The following LILRA2 variants were observed in gnomAD, a reference collection of about 807,000 sequenced individuals.
LILRA2 encodes the protein leukocyte immunoglobulin-like receptor subfamily A member 2.
LILRA2 carries 45 observed loss-of-function variants against 47.9 expected under a neutral mutation model. The ratio of observed to expected loss-of-function variants is 0.94; its 90% CI spans 0.74 to 1.20. The LOEUF is 1.20. Among genes scored for constraint, LILRA2 ranks in the 50% most tolerant of loss-of-function variants. The probability of loss-of-function intolerance (pLI) is 0.00; values close to 1 mark genes in which losing one functional copy is unlikely to be tolerated. For synonymous variants in LILRA2, 279 were observed against 249.2 expected (o/e 1.12, Z -1.13); for missense variants, 651 against 598.2 (o/e 1.09, Z -0.92).
upstream of LILRA2, chr19:54,573,494 G>A: frequency 9.4e-7 from 1 of 1,061,512 alleles, no homozygotes. Context: ...GAGACCCCAT[G>A]GGGAAGCTCT....
chr19:54,583,723 C>G (rs1170590650), intron 6 of LILRA2, among the ~76,000 whole-genome samples: 1 of 152,076 alleles, frequency 6.6e-6, no homozygotes, highest in East Asian at 1.9e-4. Flanking sequence ...GATTCTTTAT[C>G]CAATTTGCTG....
intron 6 of LILRA2, among the ~76,000 whole-genome samples, chr19:54,580,041 T>A (rs1224439141): frequency 3.3e-5 from 5 of 152,172 alleles, no homozygotes; most frequent in Non-Finnish European, 7.3e-5. Context: ...TATATAATCA[T>A]GTCATCTGCA....
intron 6 of LILRA2, among the ~76,000 whole-genome samples, chr19:54,579,282 C>T (rs55757854): frequency 0.052 from 7,974 of 152,060 alleles, 237 homozygotes; most frequent in South Asian, 0.092. Context: ...ACTTAATTAT[C>T]GTATAGGGTG....
At chr19:54,587,146 C>A in intron 7 of LILRA2, 55 bp from the exon 8 acceptor site, 1 of 1,611,644 alleles carries the variant, frequency 6.2e-7, no homozygotes, top group Admixed American at 1.7e-5. Flanking sequence ...GGTGGACATA[C>A]AGGAGTCCCG....
chr19:54,585,907 CCT>C (rs2062788433), intron 6 of LILRA2, among the ~76,000 whole-genome samples: 1 of 152,116 alleles, frequency 6.6e-6, no homozygotes, highest in Admixed American at 6.5e-5. Flanking sequence ...GGAAGCGACA[CCT>C]ATATTTTTTT....
intron 6 of LILRA2, among the ~76,000 whole-genome samples, chr19:54,576,766 TCA>T (rs1389918948): frequency 2.6e-5 from 4 of 152,234 alleles, no homozygotes; most frequent in African/African-American, 9.6e-5. Flanking sequence ...TCAGGGGAGA[TCA>T]CAGTCAGGTA....
At chr19:54,573,380 G>A, upstream of LILRA2, 4 of 821,788 alleles carry the variant, frequency 4.9e-6, no homozygotes, top group Non-Finnish European at 8.2e-6. Context: ...TCTAACTGCA[G>A]CATGGACCTG....
Position 54,574,504 on chromosome 19 carries a change from G to A in LILRA2, c.274G>A (p.Ala92Thr), listed in dbSNP as rs2062298087. 6.2e-6 allele frequency: 10 copies of A among 1,614,150 alleles called. No individual in the cohort carries two copies. Among genetic ancestry groups the A allele is most frequent in the Admixed American group, 1.7e-5 (1 of 60,034 alleles). Residue 92 changes from alanine to threonine, a missense_variant, in exon 3 of 8, where the codon GCA becomes ACA. By Grantham distance (58) the Ala-to-Thr change is moderately conservative (BLOSUM62 0). Transcript: ENST00000391738. ...FPIPSITWEHAGRYHCQYYSH... is the reference protein window; with the variant it reads ...FPIPSITWEHTGRYHCQYYSH... ...CATCCCATCCATCACCTGGGAACAC[G>A]CAGGGCGGTATCACTGTCAGTACTA...
At chr19:54,577,551 G>T in intron 6 of LILRA2, 8 of 1,289,756 alleles carry the variant, frequency 6.2e-6, no homozygotes, top group Non-Finnish European at 8.1e-6. Flanking sequence ...GGCCTCGGTG[G>T]GATCTGACTG....
In LILRA2 at chr19:54,577,027, C is replaced by T. The variant is rs1245052956; in HGVS notation, c.1255+918C>T. Among the ~76,000 whole-genome samples, 419 of 152,094 alleles carry T rather than the reference C, an allele frequency of 2.8e-3. No individual in the cohort carries two copies. The South Asian group carries it at 0.058, about 21-fold the overall frequency. On this transcript the variant is annotated intron_variant, in intron 6 of 7. Coordinates refer to ENST00000391738, the MANE Select transcript of LILRA2 (RefSeq NM_001130917.3). The stretch of plus-strand genomic sequence containing the variant: ...GTCTACAGCCCTCTCTGGCCCTCTC[C>T]TAATTCTCCCAATAACTGAGACTTG...
At position 54,587,268 on chromosome 19, in the gene LILRA2, G is replaced by A. The variant is rs761760492; in HGVS notation, c.1374G>A (p.Leu458=). The A allele has an allele frequency of 6.2e-7, 1 of 1,614,118 alleles. No homozygotes were observed. Residue 458 remains leucine, a synonymous_variant, in exon 8 of 8, where the codon TTG becomes TTA. Coordinates refer to ENST00000391738, the MANE Select transcript of LILRA2 (RefSeq NM_001130917.3). ...ENLIRMGVAG[L]VLVVLGILLF... ...TCATCCGCATGGGTGTGGCTGGCTT[G>A]GTCCTGGTGGTCCTCGGGATTCTGC...
rs200267049 is a variant in LILRA2 at position 54,579,764 on chromosome 19, C to CT, written c.1255+3656dup. Among the ~76,000 whole-genome samples, 951 of 152,122 alleles carry CT rather than the reference C, an allele frequency of 6.3e-3. 8 individuals carry two copies. Among genetic ancestry groups the CT allele is most frequent in the African/African-American group, 0.022 (904 of 41,502 alleles). On this transcript the variant is annotated intron_variant, in intron 6 of 7. Transcript: ENST00000391738. Reference sequence around the variant, plus strand: ...GAGCATGGAATGTTCTTCCATTTGTCTGTGTTCTCTTTTAATTCATTGAGC... The same window carrying CT: ...GAGCATGGAATGTTCTTCCATTTGTCTTGTGTTCTCTTTTAATTCATTGAGC...
At chr19:54,584,000 G>T (rs148470762) in intron 6 of LILRA2, among the ~76,000 whole-genome samples, 1 of 152,132 alleles carries the variant, frequency 6.6e-6, no homozygotes, top group South Asian at 2.1e-4. Context: ...TTGCTTGGCT[G>T]TAAAGGATTT....
chr19:54,587,475 C>T lies in LILRA2; in HGVS notation c.*129C>T, dbSNP rs1054965399. 4.3e-6 allele frequency: 6 copies of T among 1,386,142 alleles called. No homozygotes were observed. Among genetic ancestry groups the T allele is most frequent in the African/African-American group, 1.5e-5 (1 of 68,802 alleles). 85.9% of individuals were successfully genotyped at this position (1,386,142 alleles called of 1,614,324 possible). On this transcript the variant is annotated 3_prime_UTR_variant, in exon 8 of 8. Coordinates refer to ENST00000391738, the MANE Select transcript of LILRA2 (RefSeq NM_001130917.3). The stretch of plus-strand genomic sequence containing the variant: ...ACTGTATGCTGGTCATTTCTAGAGA[C>T]AGCAATCAATATTTGAGTGTAAGGA...
chr19:54,586,191 A>G (rs532130788), intron 6 of LILRA2, among the ~76,000 whole-genome samples: 4 of 151,688 alleles, frequency 2.6e-5, no homozygotes, highest in African/African-American at 7.2e-5. Context: ...TACATTACAC[A>G]TGATGTGAGT....
Position 54,575,839 on chromosome 19 carries a change from C to T in LILRA2, c.985C>T (p.Gln329Ter), listed in dbSNP as rs945700052. The change falls in exon 6 of 8, where the codon CAG (glutamine) becomes TAG (stop). Residue 329 changes from glutamine to a stop codon, truncating the protein, a stop_gained. Coordinates refer to ENST00000391738, the MANE Select transcript of LILRA2 (RefSeq NM_001130917.3). LOFTEE classifies it high-confidence loss of function. ...QFYDRPSLSV[Q>*]PVPTVAPGKN... is the part of the protein sequence containing the mutation. ...CTATGACAGACCCTCTCTCTCGGTG[C>T]AGCCGGTCCCCACAGTAGCCCCAGG... 6.2e-7 allele frequency: 1 copy of T among 1,609,524 alleles called. No homozygotes were observed. The highest frequency in any genetic ancestry group is 1.7e-5 in the Admixed American group (1 of 59,340).
intron 6 of LILRA2, among the ~76,000 whole-genome samples, chr19:54,586,330 A>G (rs531448351): frequency 7.2e-5 from 11 of 152,120 alleles, no homozygotes; most frequent in Admixed American, 6.5e-4. Context: ...AGAAGTATTC[A>G]TTTATGAACC....
rs112124314 is a variant in LILRA2 at position 54,586,206 on chromosome 19, GT to G, written c.1256-803del. Among the ~76,000 whole-genome samples the G allele has an allele frequency of 4.3e-3, 653 of 152,212 alleles. 11 individuals are homozygous for G. The highest frequency in any genetic ancestry group is 0.014 in the African/African-American group (586 of 41,538). ...TACATTACACATGATGTGAGTGGAG[GT>G]ATATCTAAACACATTTTTATATGTA... On this transcript the variant is annotated intron_variant, in intron 6 of 7. Coordinates refer to ENST00000391738, the MANE Select transcript of LILRA2 (RefSeq NM_001130917.3).
chr19:54,574,326 G>T lies in LILRA2; in HGVS notation c.96G>T (p.Trp32Cys), dbSNP rs774974756. 3.7e-6 allele frequency: 6 copies of T among 1,614,214 alleles called. No homozygotes were observed. Among genetic ancestry groups the T allele is most frequent in the Middle Eastern group, 1.6e-4 (1 of 6,062 alleles). ...QAGHLPKPTL[W>C]AEPGSVIIQG... ...GGCACCTCCCCAAGCCCACCCTCTGGGCTGAGCCAGGCTCTGTGATCATCC... is the reference window on the plus strand; with the variant it reads ...GGCACCTCCCCAAGCCCACCCTCTGTGCTGAGCCAGGCTCTGTGATCATCC... Residue 32 changes from tryptophan (W) to cysteine (C), a missense_variant, in exon 3 of 8, where the codon TGG becomes TGT. By Grantham distance (215) the Trp-to-Cys change is radical (BLOSUM62 -2). Coordinates refer to ENST00000391738, the MANE Select transcript of LILRA2 (RefSeq NM_001130917.3).
Sources: allele counts gnomAD v4.1 joint callset (sites outside exome capture counted in the v4.1 genomes callset), GRCh38; gene constraint gnomAD v4.1.1; transcripts MANE v1.5; gene names NCBI Gene and HGNC (gene_info 2026-07-23, HGNC 2026-07-21).